Variants in RUNX1T1 observed in about 807,000 individuals in gnomAD.
RUNX1T1 encodes protein CBFA2T1.
In RUNX1T1, 4 loss-of-function variants were observed where a neutral mutation model predicts 62.8. That is an observed-to-expected ratio of 0.06 (90% CI 0.03 to 0.15). The LOEUF is 0.15. Among genes scored for constraint, RUNX1T1 ranks in the 10% least tolerant of loss-of-function variants. The probability of loss-of-function intolerance (pLI) is 1.00; values close to 1 mark genes in which losing one functional copy is unlikely to be tolerated. For synonymous variants in RUNX1T1, 291 were observed against 286.0 expected (o/e 1.02, Z -0.18); for missense variants, 508 against 754.3 (o/e 0.67, Z 3.82).
chr8:92,080,330 G>A (rs1835054006), intron 1 of RUNX1T1, among the ~76,000 whole-genome samples: 1 of 152,146 alleles, frequency 6.6e-6, no homozygotes, highest in Non-Finnish European at 1.5e-5. Context: ...AGTACTTTGG[G>A]TCTACATCAG....
At chr8:92,097,470 C>T (rs950882625) in intron 1 of RUNX1T1, among the ~76,000 whole-genome samples, 1 of 152,154 alleles carries the variant, frequency 6.6e-6, no homozygotes, top group Non-Finnish European at 1.5e-5. Context: ...ATACCCCCAC[C>T]CTTTATTGCA....
intron 5 of RUNX1T1, among the ~76,000 whole-genome samples, chr8:91,994,250 A>G (rs1818253160): frequency 6.6e-6 from 1 of 152,234 alleles, no homozygotes; most frequent in Non-Finnish European, 1.5e-5. Flanking sequence ...TATCCAATGT[A>G]GCTCAGACAT....
At chr8:92,033,980 A>T (rs539673610) in intron 1 of RUNX1T1, among the ~76,000 whole-genome samples, 113 of 150,886 alleles carry the variant, frequency 7.5e-4, no homozygotes, top group Middle Eastern at 3.4e-3. Flanking sequence ...AAAAAAAAAA[A>T]TTTTTTTTTT....
intron 2 of RUNX1T1, among the ~76,000 whole-genome samples, chr8:92,016,188 T>C (rs766442203): frequency 5.9e-5 from 9 of 152,216 alleles, no homozygotes; most frequent in African/African-American, 9.6e-5. Context: ...AACCAGGACT[T>C]TGAGATTTAT....
chr8:91,987,050 C>T, intron 6 of RUNX1T1, 78 bp from the exon 8 acceptor site: 3 of 914,402 alleles, frequency 3.3e-6, no homozygotes, highest in South Asian at 2.7e-5. Context: ...ATAGCAAGGA[C>T]TATGTGGGCA....
At chr8:92,095,702 G>A in intron 1 of RUNX1T1, 1 of 726,952 alleles carries the variant, frequency 1.4e-6, no homozygotes, top group Non-Finnish European at 2.0e-6. Context: ...GAGGGGGCGG[G>A]GGCTCAGACC....
At chr8:92,080,190 A>G (rs578234210) in intron 1 of RUNX1T1, among the ~76,000 whole-genome samples, 181 of 152,286 alleles carry the variant, frequency 1.2e-3, no homozygotes, top group African/African-American at 4.1e-3. Flanking sequence ...TGTAGCCCCA[A>G]ATGAAAAGAA....
chr8:91,989,088 T>C (rs957447740), intron 6 of RUNX1T1, among the ~76,000 whole-genome samples: 1 of 152,148 alleles, frequency 6.6e-6, no homozygotes, highest in African/African-American at 2.4e-5. Context: ...TTGACACTAA[T>C]GTTGAGTCTC....
chr8:92,000,606 A>T (rs1297844458), intron 5 of RUNX1T1, among the ~76,000 whole-genome samples: 1 of 152,222 alleles, frequency 6.6e-6, no homozygotes, highest in Non-Finnish European at 1.5e-5. Flanking sequence ...CATTTTACAG[A>T]AACAAAAAAA....
chr8:91,975,637 T>A (rs1431182244), intron 9 of RUNX1T1, among the ~76,000 whole-genome samples: 1 of 152,000 alleles, frequency 6.6e-6, no homozygotes, highest in Admixed American at 6.6e-5. Context: ...CTGAAAAAAA[T>A]GGAGTTTTAT....
chr8:92,035,265 C>T (rs969374931), intron 1 of RUNX1T1, among the ~76,000 whole-genome samples: 7 of 144,176 alleles, frequency 4.9e-5, no homozygotes, highest in Admixed American at 1.4e-4. Flanking sequence ...ATTGCCCTCC[C>T]GTCTGAGCGA....
chr8:92,096,328 C>T (rs1837742115), intron 1 of RUNX1T1, among the ~76,000 whole-genome samples: 3 of 152,142 alleles, frequency 2.0e-5, no homozygotes, highest in African/African-American at 7.2e-5. Context: ...CAATCAATCT[C>T]GGCTTGAGCT....
intron 1 of RUNX1T1, chr8:92,095,340 A>G (rs1837633280): frequency 1.3e-6 from 2 of 1,533,940 alleles, no homozygotes. Context: ...CTGTTCACGG[A>G]GATTACCTTC....
rs941494927 is a variant in RUNX1T1 at position 92,076,240 on chromosome 8, T to G, written c.-85-103A>C. The G allele has an allele frequency of 8.2e-5, 74 of 905,852 alleles. 1 individual carries two copies. In the Middle Eastern group the frequency reaches 9.9e-4, roughly 12 times the overall value. 56.1% of individuals were successfully genotyped at this position (905,852 alleles called of 1,614,324 possible). On this transcript the variant is annotated intron_variant, in intron 1 of 11. Transcript: ENST00000265814. ...TAACACTAGGCCAGTTTTGTTATGT[T>G]TTGTTTAAAAAAAAAACAGATACAA...
intron 2 of RUNX1T1, among the ~76,000 whole-genome samples, chr8:92,068,504 C>T (rs1833203796): frequency 1.3e-5 from 2 of 152,110 alleles, no homozygotes; most frequent in Non-Finnish European, 2.9e-5. Context: ...CAGGCAAAAT[C>T]GGAGGGCTCG....
intron 1 of RUNX1T1, among the ~76,000 whole-genome samples, chr8:92,026,238 G>A (rs1319864307): frequency 6.6e-6 from 1 of 152,132 alleles, no homozygotes; most frequent in African/African-American, 2.4e-5. Flanking sequence ...AACCCTATTA[G>A]GATAAATCAG....
chr8:92,008,310 TTACTAA>T (rs762172156), intron 4 of RUNX1T1, among the ~76,000 whole-genome samples: 7 of 151,480 alleles, frequency 4.6e-5, no homozygotes, highest in Non-Finnish European at 1.0e-4. Flanking sequence ...TTGCTTGACT[TTACTAA>T]TACTGTCTCC....
rs774634585 is a variant in RUNX1T1 at position 91,962,033 on chromosome 8, C to T, written c.1459-1516G>A. 8.0e-4 allele frequency among the ~76,000 whole-genome samples: 122 copies of T among 152,182 alleles called. 2 individuals are homozygous for T. The highest frequency in any genetic ancestry group is 8.5e-4 in the Admixed American group (13 of 15,278). ...CTGACAATACTATACTCCTAGGAAA[C>T]GTCAGCCCATCACCCTGTGTATGGC... On this transcript the variant is annotated intron_variant, in intron 10 of 10. Transcript: ENST00000396218.
intron 9 of RUNX1T1, among the ~76,000 whole-genome samples, chr8:91,971,364 A>G (rs925616855): frequency 6.6e-6 from 1 of 152,182 alleles, no homozygotes; most frequent in African/African-American, 2.4e-5. Context: ...ATAAGTTAAC[A>G]TGAATATAGG....
Sources: gnomAD v4.1 joint callset for allele counts (sites outside exome capture counted in the v4.1 genomes callset) on GRCh38, gnomAD v4.1.1 for gene constraint, MANE v1.5 for transcripts, NCBI Gene and HGNC (gene_info 2026-07-23, HGNC 2026-07-21) for gene names.